The following ATG13 variants were observed in gnomAD, a reference collection of about 807,000 sequenced individuals.
ATG13 encodes the protein autophagy related 13, also known as autophagy-related protein 13.
In ATG13, 23 loss-of-function variants were observed where a neutral mutation model predicts 65.5. The ratio of observed to expected loss-of-function variants is 0.35; its 90% CI spans 0.25 to 0.50. ATG13 has a LOEUF of 0.50. Among genes scored for constraint, ATG13 ranks in the 20% least tolerant of loss-of-function variants. ATG13 has a pLI of 0.98. For synonymous variants in ATG13, 252 were observed against 245.2 expected, an observed-to-expected ratio of 1.03 and a Z score of -0.26; for missense variants, 566 against 677.0, an observed-to-expected ratio of 0.84 and a Z score of 1.82.
Position 46,667,778 on chromosome 11 carries a change from A to G in ATG13, c.1142A>G (p.Asp381Gly), listed in dbSNP as rs750608840. The change falls in exon 15 of 19, where the codon GAT becomes GGT. Residue 381 changes from aspartate to glycine, a missense_variant. By Grantham distance (94) the Asp-to-Gly change is moderately conservative. Around this residue, in one of 2 missense-constraint regions of ATG13, gnomAD observed 387 missense variants for 409.8 expected, o/e 0.94. Transcript: ENST00000683050. ...ACTTCACCTTTCTCCTCCAGTGAGG[A>G]TACTGAAACCGTATCAAACAGCAGT... is the stretch of plus-strand genomic sequence containing the variant. ...HCAATPSSSE[D>G]TETVSNSSEG... The G allele has an allele frequency of 6.2e-7, 1 of 1,601,238 alleles. No homozygotes were observed. Among genetic ancestry groups the G allele is most frequent in the Non-Finnish European group, 8.6e-7 (1 of 1,169,282 alleles).
chr11:46,622,334 G>T (rs757050127), intron 1 of ATG13, among the ~76,000 whole-genome samples: 1 of 151,472 alleles, frequency 6.6e-6, no homozygotes, highest in Non-Finnish European at 1.5e-5. Flanking sequence ...AGCCAAGATG[G>T]TCTCGATCTC....
intron 2 of ATG13, among the ~76,000 whole-genome samples, chr11:46,638,961 C>G (rs2054935242): frequency 1.3e-5 from 2 of 151,928 alleles, no homozygotes; most frequent in African/African-American, 4.8e-5. Context: ...GCATGTGCCA[C>G]CACACTCGGC....
rs2064048677 is a variant in ATG13, at chr11:46,672,795, G to A, written c.*463G>A. 7.5e-7 allele frequency: 1 copy of A among 1,333,576 alleles called. No individual in the cohort carries two copies. Among genetic ancestry groups the A allele is most frequent in the Non-Finnish European group, 9.9e-7 (1 of 1,013,230 alleles). 82.6% of individuals were successfully genotyped at this position (1,333,576 alleles called of 1,614,324 possible). Reference sequence around the variant, plus strand: ...AAAGAGGAAGGAGACAGTGCCAGGAGGAAGAAGGAAGGAGTCCCTTAGCTC... The same window carrying A: ...AAAGAGGAAGGAGACAGTGCCAGGAAGAAGAAGGAAGGAGTCCCTTAGCTC... On this transcript the variant is annotated 3_prime_UTR_variant, in exon 19 of 19. Transcript: ENST00000683050.
intron 11 of ATG13, among the ~76,000 whole-genome samples, chr11:46,662,173 G>T (rs534201229): frequency 1.8e-4 from 27 of 151,544 alleles, no homozygotes; most frequent in African/African-American, 5.8e-4. Context: ...AGGGTTTTTT[G>T]TTGTTGTTGT....
chr11:46,654,619 G>C (rs2059646124), intron 7 of ATG13, among the ~76,000 whole-genome samples: 1 of 151,622 alleles, frequency 6.6e-6, no homozygotes, highest in Non-Finnish European at 1.5e-5. Context: ...CTGCTTAGGA[G>C]ACTGAGGTGA....
chr11:46,653,180 C>CTTTTTTTTTTT (rs1226638713), intron 7 of ATG13, among the ~76,000 whole-genome samples: 2 of 132,678 alleles, frequency 1.5e-5, no homozygotes, highest in African/African-American at 2.9e-5. Context: ...CATTTCTTTT[C>CTTTTTTTTTTT]TTTTTTTTTT....
At chr11:46,639,853 A>ATT (rs377458204) in intron 2 of ATG13, among the ~76,000 whole-genome samples, 14 of 126,976 alleles carry the variant, frequency 1.1e-4, no homozygotes, top group East Asian at 8.6e-4. Flanking sequence ...TGCTTATGCA[A>ATT]TTTTTTTTTT....
chr11:46,633,046 A>AT (rs1326300029), intron 2 of ATG13, among the ~76,000 whole-genome samples: 2 of 127,768 alleles, frequency 1.6e-5, no homozygotes, highest in East Asian at 4.8e-4. Flanking sequence ...TTTTTTGGCA[A>AT]CGGGGTCTTG....
intron 7 of ATG13, among the ~76,000 whole-genome samples, chr11:46,653,602 C>T (rs1748424721): frequency 1.3e-5 from 2 of 150,892 alleles, no homozygotes; most frequent in African/African-American, 2.4e-5. Flanking sequence ...CGGAGTCTCG[C>T]TGTGTTGCCC....
intron 7 of ATG13, among the ~76,000 whole-genome samples, chr11:46,653,029 G>C (rs988128184): frequency 6.6e-6 from 1 of 151,950 alleles, no homozygotes; most frequent in Non-Finnish European, 1.5e-5. Context: ...ATTTGTTATA[G>C]CCTATACGGC....
chr11:46,662,537 T>C (rs1227431902), intron 11 of ATG13, among the ~76,000 whole-genome samples: 1 of 152,194 alleles, frequency 6.6e-6, no homozygotes, highest in Non-Finnish European at 1.5e-5. Context: ...CTTATTGCAA[T>C]TTAAAACTAG....
chr11:46,628,098 AAAAG>A (rs2050344980), intron 1 of ATG13, among the ~76,000 whole-genome samples: 3 of 151,734 alleles, frequency 2.0e-5, no homozygotes, highest in African/African-American at 7.2e-5. Flanking sequence ...AAAAAAAAAA[AAAAG>A]GCAGGAAAAA....
At position 46,665,493 on chromosome 11, in the gene ATG13, C is replaced by T; in HGVS notation, c.1110C>T (p.Thr370=). Residue 370 remains threonine, a synonymous_variant, in exon 14 of 19, where the codon ACC becomes ACT. Transcript: ENST00000683050. ...RLATCTPSDR[T]HCAATPSSSE... ...CAACCTGCACCCCTTCTGACAGAAC[C>T]CACTGTGCTGCCACACCCTCCAGTA... 6.2e-7 allele frequency: 1 copy of T among 1,614,200 alleles called. No individual in the cohort carries two copies. The highest frequency in any genetic ancestry group is 8.5e-7 in the Non-Finnish European group (1 of 1,180,028).
At chr11:46,641,163 C>T (rs551936108) in intron 2 of ATG13, among the ~76,000 whole-genome samples, 1 of 152,154 alleles carries the variant, frequency 6.6e-6, no homozygotes, top group East Asian at 1.9e-4. Context: ...ACCTCTGCCT[C>T]CTGGGTTCAA....
Position 46,650,210 on chromosome 11 carries a change from G to A in ATG13, c.351G>A (p.Val117=). ...CDKEIKVSYT[V]YNRLSLLLKS... ...AAGAAATCAAAGTTTCCTACACGGT[G>A]TACAACAGACTGTCATTGCTGCTGA... is the stretch of plus-strand genomic sequence containing the variant. Residue 117 remains valine, a synonymous_variant, in exon 7 of 19, where the codon GTG becomes GTA. Transcript: ENST00000683050. The A allele has an allele frequency of 1.2e-6, 2 of 1,614,108 alleles. No homozygotes were observed. The highest frequency in any genetic ancestry group is 1.7e-6 in the Non-Finnish European group (2 of 1,180,024).
At chr11:46,671,316 G>A (rs1162064874) in intron 18 of ATG13, among the ~76,000 whole-genome samples, 1 of 152,238 alleles carries the variant, frequency 6.6e-6, no homozygotes, top group Non-Finnish European at 1.5e-5. Flanking sequence ...GTCATCAGTA[G>A]AGACGCATTT....
chr11:46,638,417 G>A (rs1279907815), intron 2 of ATG13: 3 of 152,248 alleles, frequency 2.0e-5, no homozygotes, highest in African/African-American at 7.2e-5. Flanking sequence ...CAGCCTGGGT[G>A]ACAGAGTGAG....
At position 46,649,186 on chromosome 11, in the gene ATG13, A is replaced by G; in HGVS notation, c.317+3A>G. 1 of 1,613,274 alleles carries G rather than the reference A, an allele frequency of 6.2e-7. No individual in the cohort carries two copies. The highest frequency in any genetic ancestry group is 1.1e-5 in the South Asian group (1 of 90,944). The stretch of plus-strand genomic sequence containing the variant: ...TGGTGTCTTGAAATGAATGAAAAGT[A>G]AGTGCTGCGTCTTAGGGTCCTTGGT... On this transcript the variant is annotated splice_donor_region_variant and intron_variant, in intron 6 of 18. Coordinates refer to ENST00000683050, the MANE Select transcript of ATG13 (RefSeq NM_001346311.2).
intron 7 of ATG13, 131 bp downstream of exon 7, chr11:46,650,448 T>G (rs562223535): frequency 7.9e-7 from 1 of 1,269,052 alleles, no homozygotes; most frequent in East Asian, 2.4e-5. Context: ...TGCTGTCGCT[T>G]TCATGTGATC....
Sources: allele counts gnomAD v4.1 joint callset (sites outside exome capture counted in the v4.1 genomes callset), GRCh38; gene constraint gnomAD v4.1.1; regional missense constraint gnomAD v4.1.1; transcripts MANE v1.5; gene names NCBI Gene and HGNC (gene_info 2026-07-23, HGNC 2026-07-21).